The following SAMD3 variants were observed in gnomAD, a reference collection of about 807,000 sequenced individuals.
SAMD3 encodes sterile alpha motif domain-containing protein 3.
In SAMD3, 63 loss-of-function variants were observed where a neutral mutation model predicts 58.5. The observed-to-expected ratio is 1.08, with a 90% CI of 0.88 to 1.33. SAMD3 has a LOEUF of 1.33. Among genes scored for constraint, SAMD3 ranks in the 40% most tolerant of loss-of-function variants. The pLI is 0.00. For synonymous variants in SAMD3, 220 were observed against 210.3 expected (o/e 1.05, Z -0.40); for missense variants, 604 against 608.4 (o/e 0.99, Z 0.08).
At chr6:130,236,844 T>A (rs916717172) in intron 2 of SAMD3, among the ~76,000 whole-genome samples, 1 of 152,236 alleles carries the variant, frequency 6.6e-6, no homozygotes, top group Non-Finnish European at 1.5e-5. Flanking sequence ...TGTTTTATAA[T>A]TTTCCTTTTG....
At chr6:130,160,700 A>T (rs1790209450) in intron 8 of SAMD3, 1 of 152,200 alleles carries the variant, frequency 6.6e-6, no homozygotes, top group African/African-American at 2.4e-5. Context: ...GAATGCAGAG[A>T]TAGAGATTTG....
At chr6:130,319,661 A>G (rs1290038275) in intron 1 of SAMD3, among the ~76,000 whole-genome samples, 2 of 152,206 alleles carry the variant, frequency 1.3e-5, no homozygotes, top group African/African-American at 4.8e-5. Flanking sequence ...AAATGATGCT[A>G]GATGGAAATT....
At chr6:130,316,535 T>C (rs1428802130) in intron 1 of SAMD3, among the ~76,000 whole-genome samples, 1 of 152,148 alleles carries the variant, frequency 6.6e-6, no homozygotes, top group African/African-American at 2.4e-5. Context: ...TGCATTCAGG[T>C]ACTATGATAA....
At chr6:130,350,025 T>G (rs1021238166) in intron 1 of SAMD3, among the ~76,000 whole-genome samples, 15 of 152,178 alleles carry the variant, frequency 9.9e-5, no homozygotes, top group South Asian at 6.2e-4. Context: ...TCAACAGCCC[T>G]TCATACTAAA....
At chr6:130,163,080 T>C (rs1157527030) in intron 8 of SAMD3, among the ~76,000 whole-genome samples, 2 of 152,196 alleles carry the variant, frequency 1.3e-5, no homozygotes, top group South Asian at 4.1e-4. Context: ...ACCTGGCTTT[T>C]CTTTTTCCCC....
chr6:130,217,750 T>G (rs543506793), intron 1 of SAMD3, among the ~76,000 whole-genome samples: 61 of 152,354 alleles, frequency 4.0e-4, no homozygotes, highest in African/African-American at 1.4e-3. Context: ...ATGAAAACTT[T>G]TTGTCATCTT....
chr6:130,233,357 C>A (rs1796599319), intron 2 of SAMD3, among the ~76,000 whole-genome samples: 1 of 152,080 alleles, frequency 6.6e-6, no homozygotes, highest in Admixed American at 6.6e-5. Context: ...ACCCATCAAC[C>A]CTATTAGACA....
chr6:130,338,911 ATGAGT>A (rs1426842183), intron 1 of SAMD3, among the ~76,000 whole-genome samples: 2 of 152,174 alleles, frequency 1.3e-5, no homozygotes, highest in African/African-American at 4.8e-5. Context: ...TAATTGTGGA[ATGAGT>A]TAAGACTTTG....
At chr6:130,155,235 T>C (rs1322696278) in intron 8 of SAMD3, among the ~76,000 whole-genome samples, 1 of 152,224 alleles carries the variant, frequency 6.6e-6, no homozygotes, top group Non-Finnish European at 1.5e-5. Flanking sequence ...ATCTATTCTC[T>C]TGAAAGATCT....
At chr6:130,273,478 T>C (rs1176455949) in intron 2 of SAMD3, among the ~76,000 whole-genome samples, 1 of 152,284 alleles carries the variant, frequency 6.6e-6, no homozygotes, top group East Asian at 1.9e-4. Flanking sequence ...TTGGGGACTT[T>C]AATCCATTTA....
chr6:130,288,390 G>A (rs1007924904), intron 2 of SAMD3, among the ~76,000 whole-genome samples: 5 of 152,100 alleles, frequency 3.3e-5, no homozygotes, highest in Non-Finnish European at 7.4e-5. Context: ...ACTGAATGAG[G>A]TCCACCTACA....
chr6:130,204,034 A>G lies in SAMD3; in HGVS notation c.383+5461T>C, dbSNP rs556181063. Among the ~76,000 whole-genome samples the G allele has an allele frequency of 3.3e-3, 498 of 152,168 alleles. 4 individuals carry two copies. Among genetic ancestry groups the G allele is most frequent in the African/African-American group, 9.6e-3 (398 of 41,520 alleles). ...GGATTAGCTTATTCTATACCATTTCATTGCAGTGGCCAGACCGAAAAAAAA... is the reference window on the plus strand; with the variant it reads ...GGATTAGCTTATTCTATACCATTTCGTTGCAGTGGCCAGACCGAAAAAAAA... On this transcript the variant is annotated intron_variant, in intron 5 of 11. Coordinates refer to ENST00000439090, the MANE Select transcript of SAMD3 (RefSeq NM_001017373.4).
At chr6:130,327,853 C>T (rs540113882) in intron 1 of SAMD3, among the ~76,000 whole-genome samples, 17 of 152,068 alleles carry the variant, frequency 1.1e-4, no homozygotes, top group African/African-American at 2.9e-4. Flanking sequence ...GAAACCTATA[C>T]GTGAAGAGAT....
chr6:130,362,402 G>A (rs1188152803), intron 1 of SAMD3, among the ~76,000 whole-genome samples: 1 of 152,154 alleles, frequency 6.6e-6, no homozygotes, highest in Admixed American at 6.5e-5. Flanking sequence ...GAACAGGTGG[G>A]CCACCACTAC....
chr6:130,159,667 G>T (rs1177046056), intron 8 of SAMD3: 1 of 152,144 alleles, frequency 6.6e-6, no homozygotes, highest in Non-Finnish European at 1.5e-5. Flanking sequence ...TTGCAACCTT[G>T]TCTTTCCTTG....
At chr6:130,270,255 G>A (rs1774511793) in intron 2 of SAMD3, among the ~76,000 whole-genome samples, 1 of 152,068 alleles carries the variant, frequency 6.6e-6, no homozygotes. Flanking sequence ...CCAGGCCCTG[G>A]CTAACTTTTG....
chr6:130,251,816 T>G (rs1773747053), intron 2 of SAMD3, among the ~76,000 whole-genome samples: 1 of 152,178 alleles, frequency 6.6e-6, no homozygotes, highest in Non-Finnish European at 1.5e-5. Flanking sequence ...AACTTTGTTC[T>G]TATTTTTCAA....
chr6:130,222,010 C>T (rs891862611), intron 1 of SAMD3, among the ~76,000 whole-genome samples: 5 of 152,172 alleles, frequency 3.3e-5, no homozygotes, highest in Non-Finnish European at 7.3e-5. Context: ...TTCTCTTACA[C>T]ACTGCTAAGG....
chr6:130,225,928 C>T (rs2114870666), upstream of SAMD3, among the ~76,000 whole-genome samples: 1 of 151,298 alleles, frequency 6.6e-6, no homozygotes, highest in Non-Finnish European at 1.5e-5. Flanking sequence ...CTGATGTTGG[C>T]TTAATCCTGG....
Sources: gnomAD v4.1 joint callset for allele counts (sites outside exome capture counted in the v4.1 genomes callset) on GRCh38, gnomAD v4.1.1 for gene constraint, MANE v1.5 for transcripts, NCBI Gene and HGNC (gene_info 2026-07-23, HGNC 2026-07-21) for gene names.